ADAMTSL3: variants seen among roughly 807,000 people sequenced by gnomAD.
The protein encoded by ADAMTSL3 is ADAMTS-like protein 3.
Under a neutral mutation model 201.7 loss-of-function variants are expected in ADAMTSL3, and 128 were observed. The observed-to-expected ratio is 0.63, with a 90% CI of 0.55 to 0.73. ADAMTSL3 has a LOEUF of 0.73. ADAMTSL3 is among the 30% of genes least tolerant of loss of function. The pLI is 0.00. For missense variants in ADAMTSL3, 1,990 were observed against 2,119.6 expected, an observed-to-expected ratio of 0.94 and a Z score of 1.20; for synonymous variants, 738 against 748.4, an observed-to-expected ratio of 0.99 and a Z score of 0.23.
chr15:83,700,401 T>G (rs1423992585), intron 2 of ADAMTSL3, among the ~76,000 whole-genome samples: 1 of 152,220 alleles, frequency 6.6e-6, no homozygotes, highest in African/African-American at 2.4e-5. Flanking sequence ...CTCTCAGAGC[T>G]ATAGTTTACT....
At chr15:83,663,117 C>T (rs999714145) in intron 2 of ADAMTSL3, among the ~76,000 whole-genome samples, 5 of 152,172 alleles carry the variant, frequency 3.3e-5, no homozygotes, top group African/African-American at 4.8e-5. Flanking sequence ...GAAATGCATG[C>T]TTCTTACTGT....
At chr15:83,784,212 C>G (rs1187696913) in intron 4 of ADAMTSL3, among the ~76,000 whole-genome samples, 1 of 152,116 alleles carries the variant, frequency 6.6e-6, no homozygotes, top group Non-Finnish European at 1.5e-5. Flanking sequence ...TACAGGGACC[C>G]TCATTGAGTG....
rs746597849 is a variant in ADAMTSL3 at position 83,988,834 on chromosome 15, G to A, written c.3844+16G>A. 7.1e-7 allele frequency: 1 copy of A among 1,406,504 alleles called. No homozygotes were observed. The highest frequency in any genetic ancestry group is 2.1e-5 in the South Asian group (1 of 47,954). 87.1% of individuals were successfully genotyped at this position (1,406,504 alleles called of 1,614,324 possible). On this transcript the variant is annotated intron_variant, in intron 22 of 29. Transcript: ENST00000286744. ...CTGTATGCAGGTAATGCCCACTGTT[G>A]AAATCTAGAATGCCTGGTTCTTTAT...
intron 8 of ADAMTSL3, among the ~76,000 whole-genome samples, chr15:83,866,524 C>T (rs1007840223): frequency 1.3e-5 from 2 of 151,902 alleles, no homozygotes; most frequent in Admixed American, 6.6e-5. Context: ...AAAACAAACA[C>T]TGTGTGTTCT....
At chr15:83,845,553 C>T (rs1021286726) in intron 7 of ADAMTSL3, among the ~76,000 whole-genome samples, 10 of 152,292 alleles carry the variant, frequency 6.6e-5, no homozygotes, top group Middle Eastern at 3.4e-3. Context: ...TCAACTTTTT[C>T]ATCTGCACAG....
intron 3 of ADAMTSL3, among the ~76,000 whole-genome samples, chr15:83,757,083 C>T (rs537225287): frequency 5.4e-4 from 82 of 152,302 alleles, no homozygotes; most frequent in Non-Finnish European, 9.7e-4. Flanking sequence ...ACGGTGCAGG[C>T]GGTCAGTGGA....
chr15:83,711,451 G>A (rs532440605), intron 3 of ADAMTSL3, among the ~76,000 whole-genome samples: 1 of 152,332 alleles, frequency 6.6e-6, no homozygotes, highest in South Asian at 2.1e-4. Flanking sequence ...GAGAGTTTCT[G>A]TGTTGTTTCT....
chr15:83,764,963 C>A (rs1006536742), intron 3 of ADAMTSL3, among the ~76,000 whole-genome samples: 1 of 152,034 alleles, frequency 6.6e-6, no homozygotes, highest in African/African-American at 2.4e-5. Flanking sequence ...TAGTGAAGGG[C>A]TTTAAAGGTG....
At chr15:83,923,484 T>C (rs1363248383) in intron 16 of ADAMTSL3, among the ~76,000 whole-genome samples, 1 of 152,196 alleles carries the variant, frequency 6.6e-6, no homozygotes, top group African/African-American at 2.4e-5. Context: ...ATAGAGAAAG[T>C]GTTATTCTTA....
chr15:83,885,177 C>A lies in ADAMTSL3; in HGVS notation c.1037C>A (p.Thr346Asn). The A allele has an allele frequency of 6.2e-7, 1 of 1,614,068 alleles. No homozygotes were observed. The highest frequency in any genetic ancestry group is 8.5e-7 in the Non-Finnish European group (1 of 1,179,948). Residue 346 changes from threonine (T) to asparagine (N), a missense_variant, in exon 10 of 30, where the codon ACT becomes AAT. Transcript: ENST00000286744. Reference protein sequence around the residue: ...YQPISHQWRQTDFFPCTVTCG... With the variant: ...YQPISHQWRQNDFFPCTVTCG... The stretch of plus-strand genomic sequence containing the variant: ...CCCATCAGTCATCAGTGGAGACAAA[C>A]TGACTTCTTTCCCTGCACTGTGACG...
chr15:83,770,483 G>A (rs905685945), intron 3 of ADAMTSL3, among the ~76,000 whole-genome samples: 20 of 152,052 alleles, frequency 1.3e-4, no homozygotes, highest in African/African-American at 3.9e-4. Context: ...TACATTTTGC[G>A]TATATACGCC....
chr15:83,979,314 C>G (rs1468066428), intron 20 of ADAMTSL3, among the ~76,000 whole-genome samples: 2 of 152,212 alleles, frequency 1.3e-5, no homozygotes, highest in Admixed American at 6.5e-5. Context: ...ACAAAACCAT[C>G]CATGTGCACA....
intron 2 of ADAMTSL3, among the ~76,000 whole-genome samples, chr15:83,699,243 T>C (rs2061732458): frequency 6.6e-6 from 1 of 152,138 alleles, no homozygotes; most frequent in Non-Finnish European, 1.5e-5. Flanking sequence ...ATGGATGTTT[T>C]ATGGACACCT....
intron 4 of ADAMTSL3, among the ~76,000 whole-genome samples, chr15:83,797,011 T>C (rs2063437984): frequency 6.6e-6 from 1 of 151,842 alleles, no homozygotes; most frequent in African/African-American, 2.4e-5. Context: ...CTAACTAAGA[T>C]ACAAAAAGTT....
At position 83,885,101 on chromosome 15, in the gene ADAMTSL3, A is replaced by C. The variant is rs745819555; in HGVS notation, c.961A>C (p.Thr321Pro). Residue 321 changes from threonine to proline, a missense_variant and splice_region_variant, in exon 10 of 30, where the codon ACC becomes CCC. Physicochemically the swap from Thr to Pro is conservative, Grantham distance 38 (BLOSUM62 -1). Transcript: ENST00000286744. Reference protein sequence around the residue: ...GPLMADFIFKTRYTAAKDSVV... With the variant: ...GPLMADFIFKPRYTAAKDSVV... ...TGTTCTCACAGTTCTCTTTGTCCAG[A>C]CCAGGTACACTGCAGCCAAAGACAG... The C allele has an allele frequency of 6.5e-5, 105 of 1,611,654 alleles. 2 individuals carry two copies. In the South Asian group the frequency reaches 1.1e-3, roughly 18 times the overall value.
chr15:83,799,233 G>T (rs1217888059), intron 4 of ADAMTSL3, among the ~76,000 whole-genome samples: 2 of 152,096 alleles, frequency 1.3e-5, no homozygotes, highest in African/African-American at 4.8e-5. Context: ...GCTTTAGAAA[G>T]CATTTCAGTG....
At chr15:83,902,266 AG>A (rs2065740765) in intron 15 of ADAMTSL3, among the ~76,000 whole-genome samples, 1 of 152,028 alleles carries the variant, frequency 6.6e-6, no homozygotes, top group African/African-American at 2.4e-5. Flanking sequence ...GTAGGGCACA[AG>A]TCTAATTCTT....
chr15:83,823,147 T>G (rs966714117), intron 6 of ADAMTSL3, among the ~76,000 whole-genome samples: 4 of 138,078 alleles, frequency 2.9e-5, no homozygotes, highest in African/African-American at 1.1e-4. Context: ...ATGGCAGCAG[T>G]ACAGTCCAGC....
intron 7 of ADAMTSL3, among the ~76,000 whole-genome samples, chr15:83,839,701 G>A (rs1007555874): frequency 1.3e-5 from 2 of 152,172 alleles, no homozygotes; most frequent in Non-Finnish European, 2.9e-5. Flanking sequence ...TCTTTAGCAT[G>A]TAGAATGAAC....
Sources: allele counts gnomAD v4.1 joint callset (sites outside exome capture counted in the v4.1 genomes callset), GRCh38; gene constraint gnomAD v4.1.1; transcripts MANE v1.5; gene names NCBI Gene and HGNC (gene_info 2026-07-23, HGNC 2026-07-21).